PDXDC1: variants seen among roughly 807,000 people sequenced by gnomAD.
The protein encoded by PDXDC1 is pyridoxal-dependent decarboxylase domain-containing protein 1.
In PDXDC1, 42 loss-of-function variants were observed where a neutral mutation model predicts 100.1. The ratio of observed to expected loss-of-function variants is 0.42; its 90% CI spans 0.33 to 0.54. The LOEUF (loss-of-function observed/expected upper bound fraction) is 0.54, where lower values mean the gene tolerates loss of function less well. Ranked by LOEUF, PDXDC1 falls within the 20% of genes least tolerant of loss-of-function variation. PDXDC1 has a pLI of 0.10. For missense variants in PDXDC1, 636 were observed against 979.2 expected, an observed-to-expected ratio of 0.65 and a Z score of 4.68; for synonymous variants, 260 against 371.7, an observed-to-expected ratio of 0.70 and a Z score of 3.46.
intron 13 of PDXDC1, among the ~76,000 whole-genome samples, chr16:15,023,359 A>G (rs2042345507): frequency 6.6e-6 from 1 of 152,300 alleles, no homozygotes; most frequent in African/African-American, 2.4e-5. Flanking sequence ...ACTTCAGGAA[A>G]TATATGTCAA....
At chr16:15,063,186 A>G (rs983951283) in intron 16 of PDXDC1, 22 of 1,576,702 alleles carry the variant, frequency 1.4e-5, no homozygotes, top group African/African-American at 1.2e-4. Context: ...TCAATCAATC[A>G]CAAACTGACC....
rs751455800 is a variant in PDXDC1 at position 15,128,331 on chromosome 16, C to T, written c.1400-10548C>T. 2.6e-4 allele frequency: 418 copies of T among 1,609,388 alleles called. 3 individuals carry two copies. The Middle Eastern group carries it at 9.7e-3, about 37-fold the overall frequency. ...GGAAGGCTCTGTCGCCATCCAGGTGCCGGTGGCCGCTCCGGCTGTCCACCC... is the reference window on the plus strand; with the variant it reads ...GGAAGGCTCTGTCGCCATCCAGGTGTCGGTGGCCGCTCCGGCTGTCCACCC... On this transcript the variant is annotated intron_variant, in intron 16 of 16. Transcript: ENST00000535621.
chr16:15,028,382 C>A (rs1453611838), intron 14 of PDXDC1, among the ~76,000 whole-genome samples: 5 of 152,298 alleles, frequency 3.3e-5, no homozygotes, highest in African/African-American at 1.2e-4. Context: ...GAGCCCCCAG[C>A]TTCACTTGTG....
chr16:15,012,619 G>A (rs1272642202), intron 8 of PDXDC1, among the ~76,000 whole-genome samples: 18 of 152,284 alleles, frequency 1.2e-4, no homozygotes, highest in African/African-American at 3.6e-4. Flanking sequence ...CTGAGACTGC[G>A]AGATCAATTG....
chr16:15,094,215 G>A (rs762001813), intron 16 of PDXDC1: 7 of 1,595,202 alleles, frequency 4.4e-6, no homozygotes, highest in Non-Finnish European at 6.0e-6. Context: ...AAACGCGTGT[G>A]AAGCAGCGGT....
At chr16:15,144,987 C>A in the PDXDC1 span, among the ~76,000 whole-genome samples, 10 of 152,316 alleles carry the variant, frequency 6.6e-5, no homozygotes, top group East Asian at 1.9e-3. Flanking sequence ...GGCGTTGTGA[C>A]CCCCTTGCAT....
At position 15,046,279 on chromosome 16, in the gene PDXDC1, T is replaced by G. The variant is rs368921647; in HGVS notation, c.1399+16223T>G. On this transcript the variant is annotated intron_variant, in intron 16 of 16. Coordinates refer to the PDXDC1 transcript ENST00000535621. ...ACTCTCTCTTTCCTTTTTAGACTCCTAGGATTAAGCCTTCGTATATGATGG... is the reference window on the plus strand; with the variant it reads ...ACTCTCTCTTTCCTTTTTAGACTCCGAGGATTAAGCCTTCGTATATGATGG... Among the ~76,000 whole-genome samples, 16 of 152,330 alleles carry G rather than the reference T, an allele frequency of 1.1e-4. 1 individual carries two copies. Among genetic ancestry groups the G allele is most frequent in the Admixed American group, 6.5e-4 (10 of 15,296 alleles).
Position 15,126,050 on chromosome 16 carries a change from TC to T in PDXDC1, c.1400-12828del, listed in dbSNP as rs1158133736. ...GAGTTTTCAATTTCATTTTTTTTTTTCTTAGATGGAGTCTCGCTCTGTCACC... is the reference window on the plus strand; with the variant it reads ...GAGTTTTCAATTTCATTTTTTTTTTTTTAGATGGAGTCTCGCTCTGTCACC... On this transcript the variant is annotated intron_variant, in intron 16 of 16. Coordinates refer to the PDXDC1 transcript ENST00000535621. The T allele has an allele frequency of 2.8e-4, 155 of 562,182 alleles. No individual in the cohort carries two copies. The East Asian group carries it at 3.7e-3, about 14-fold the overall frequency. The allele number at this position is 562,182 out of a possible 1,614,324, so 34.8% of individuals were successfully genotyped here.
Position 15,128,228 on chromosome 16 carries a change from C to A in PDXDC1, c.1400-10651C>A, listed in dbSNP as rs750892283. 15 of 1,611,262 alleles carry A rather than the reference C, an allele frequency of 9.3e-6. No individual in the cohort carries two copies. The South Asian group carries it at 1.5e-4, about 17-fold the overall frequency. ...TGGCAGGGTCCGCACAGACCTTTGT[C>A]GTGCCACACTCGGATCTTCCACACG... On this transcript the variant is annotated intron_variant, in intron 16 of 16. Transcript: ENST00000535621.
At chr16:15,069,677 T>C (rs941344948) in intron 16 of PDXDC1, among the ~76,000 whole-genome samples, 3 of 152,198 alleles carry the variant, frequency 2.0e-5, no homozygotes, top group African/African-American at 7.2e-5. Context: ...TTTAGTGCTG[T>C]CTGTAAAGGG....
intron 16 of PDXDC1, among the ~76,000 whole-genome samples, chr16:15,081,032 T>G (rs1305542279): frequency 2.6e-5 from 4 of 152,250 alleles, no homozygotes; most frequent in Non-Finnish European, 5.9e-5. Flanking sequence ...GGCATGTTTT[T>G]AGGGTCCAAT....
At chr16:15,082,183 G>A (rs1350839251) in intron 16 of PDXDC1, among the ~76,000 whole-genome samples, 1 of 152,086 alleles carries the variant, frequency 6.6e-6, no homozygotes, top group Non-Finnish European at 1.5e-5. Context: ...AAAACTTTTG[G>A]TCTTTCACCA....
At chr16:15,088,148 G>C (rs1305685566) in intron 16 of PDXDC1, among the ~76,000 whole-genome samples, 2 of 151,860 alleles carry the variant, frequency 1.3e-5, no homozygotes, top group Non-Finnish European at 2.9e-5. Context: ...ATCAGTTGCA[G>C]ACTTTGATGC....
intron 1 of PDXDC1, among the ~76,000 whole-genome samples, chr16:14,977,673 C>T (rs1178357188): frequency 6.6e-6 from 1 of 152,272 alleles, no homozygotes; most frequent in East Asian, 1.9e-4. Flanking sequence ...AAAAGCATTG[C>T]TGTAATATGA....
chr16:14,990,312 TTCC>T (rs1970486429), intron 1 of PDXDC1, among the ~76,000 whole-genome samples: 1 of 152,212 alleles, frequency 6.6e-6, no homozygotes, highest in African/African-American at 2.4e-5. Flanking sequence ...CCATCGCTGC[TTCC>T]TCCTCCTTCT....
chr16:14,985,929 T>A (rs1342320785), intron 1 of PDXDC1, among the ~76,000 whole-genome samples: 2 of 152,092 alleles, frequency 1.3e-5, no homozygotes, highest in Non-Finnish European at 2.9e-5. Flanking sequence ...TAGGACCATG[T>A]CTCTCCAAAA....
At chr16:15,055,833 C>T (rs939883122) in intron 16 of PDXDC1, 45 of 950,856 alleles carry the variant, frequency 4.7e-5, no homozygotes, top group Admixed American at 1.7e-4. Flanking sequence ...GGGGCGCTAG[C>T]CCGCCCTGCA....
At position 14,991,547 on chromosome 16, in the gene PDXDC1, GA is replaced by G. The variant is rs1970838582; in HGVS notation, c.22-6205del. On this transcript the variant is annotated intron_variant, in intron 1 of 22. Coordinates refer to ENST00000396410, the MANE Select transcript of PDXDC1 (RefSeq NM_015027.4). Reference sequence around the variant, plus strand: ...GTCTATTTTTTTTTTTTTTTTTGGTGACAGGTTGTTGCTCTGTCACCCAGGC... The same window carrying G: ...GTCTATTTTTTTTTTTTTTTTTGGTGCAGGTTGTTGCTCTGTCACCCAGGC... 3.4e-5 allele frequency among the ~76,000 whole-genome samples: 4 copies of G among 119,286 alleles called. No homozygotes were observed. The South Asian group carries it at 9.9e-4, about 29-fold the overall frequency. 78.3% of individuals were successfully genotyped at this position (119,286 alleles called of 152,430 possible). A position where few individuals can be genotyped will look rare whatever the true frequency, so the allele number is the denominator to read the frequency against.
intron 16 of PDXDC1, chr16:15,061,304 G>C (rs954199823): frequency 6.2e-6 from 1 of 161,516 alleles, no homozygotes; most frequent in Non-Finnish European, 1.3e-5. Flanking sequence ...TCTTTAAATA[G>C]AAGTTTTATC....
Sources: allele counts gnomAD v4.1 joint callset (sites outside exome capture counted in the v4.1 genomes callset), GRCh38; gene constraint gnomAD v4.1.1; transcripts MANE v1.5; gene names NCBI Gene and HGNC (gene_info 2026-07-23, HGNC 2026-07-21).